The following FSTL5 variants were observed in gnomAD, a reference collection of about 807,000 sequenced individuals.
FSTL5 encodes follistatin like 5.
A neutral mutation model predicts 89.1 loss-of-function variants in FSTL5; 62 were observed. The observed-to-expected ratio is 0.70, with a 90% CI of 0.57 to 0.86. FSTL5 has a LOEUF of 0.86. Among genes scored for constraint, FSTL5 ranks in the 40% least tolerant of loss-of-function variants. The pLI, the probability that FSTL5 is intolerant of heterozygous loss-of-function variation, is 0.00. For synonymous variants in FSTL5, 383 were observed against 346.2 expected (o/e 1.11, Z -1.18); for missense variants, 1,057 against 1,001.6 (o/e 1.06, Z -0.75).
At chr4:161,537,958 A>G (rs989344972) in intron 10 of FSTL5, among the ~76,000 whole-genome samples, 60 of 152,286 alleles carry the variant, frequency 3.9e-4, no homozygotes, top group African/African-American at 1.2e-3. Context: ...AATAAAATCT[A>G]GTGTTGTAAT....
At chr4:161,877,184 G>GA (rs5863494) in intron 4 of FSTL5, among the ~76,000 whole-genome samples, 72,429 of 126,954 alleles carry the variant, frequency 0.57, 20,081 homozygotes, top group East Asian at 0.67. Flanking sequence ...ACTCTGTCTC[G>GA]AAAAAAAAAA....
At chr4:161,438,489 CT>C (rs1454953512) in intron 15 of FSTL5, among the ~76,000 whole-genome samples, 1 of 151,978 alleles carries the variant, frequency 6.6e-6, no homozygotes, top group African/African-American at 2.4e-5. Context: ...TTAATTTTCC[CT>C]TTTATGTCTT....
At chr4:161,789,906 A>C (rs540552220) in intron 4 of FSTL5, among the ~76,000 whole-genome samples, 62 of 152,310 alleles carry the variant, frequency 4.1e-4, no homozygotes, top group African/African-American at 1.4e-3. Context: ...AAAGCATATA[A>C]AGCAAATTTT....
chr4:161,847,807 C>T (rs115238916), intron 4 of FSTL5, among the ~76,000 whole-genome samples: 19 of 151,708 alleles, frequency 1.3e-4, no homozygotes, highest in African/African-American at 3.4e-4. Context: ...GAGGCCAGGG[C>T]GGGAAGATCA....
At chr4:161,579,367 A>G (rs1360726898) in intron 8 of FSTL5, among the ~76,000 whole-genome samples, 1 of 152,196 alleles carries the variant, frequency 6.6e-6, no homozygotes, top group East Asian at 1.9e-4. Flanking sequence ...GATAAAATGG[A>G]ATTCTAAATG....
At chr4:161,628,264 A>C (rs1475411298) in intron 7 of FSTL5, among the ~76,000 whole-genome samples, 13 of 152,158 alleles carry the variant, frequency 8.5e-5, no homozygotes, top group African/African-American at 3.1e-4. Context: ...ATACAGACTT[A>C]ATTGAAAAAT....
At chr4:161,682,880 A>G (rs1257642120) in intron 6 of FSTL5, among the ~76,000 whole-genome samples, 1 of 151,854 alleles carries the variant, frequency 6.6e-6, no homozygotes, top group African/African-American at 2.4e-5. Context: ...CCAAGTAGCT[A>G]GGATTACAGG....
chr4:161,457,876 A>C (rs553976892), intron 14 of FSTL5, among the ~76,000 whole-genome samples: 14 of 152,274 alleles, frequency 9.2e-5, no homozygotes, highest in African/African-American at 2.9e-4. Flanking sequence ...TGCTTTTTCA[A>C]TCAAGAGATT....
intron 6 of FSTL5, among the ~76,000 whole-genome samples, chr4:161,721,777 C>G (rs188459020): frequency 2.0e-5 from 3 of 152,162 alleles, no homozygotes; most frequent in African/African-American, 7.2e-5. Flanking sequence ...TATAGGCAAG[C>G]TTTTCTTTGG....
At chr4:162,083,715 A>G (rs969776726) in intron 2 of FSTL5, among the ~76,000 whole-genome samples, 5 of 151,892 alleles carry the variant, frequency 3.3e-5, no homozygotes, top group Admixed American at 6.6e-5. Context: ...ACATCAATTT[A>G]TAATAGCAGA....
intron 4 of FSTL5, among the ~76,000 whole-genome samples, chr4:161,836,957 T>TA (rs1468470815): frequency 1.3e-5 from 2 of 151,976 alleles, no homozygotes; most frequent in Non-Finnish European, 1.5e-5. Context: ...TGGTAATGAG[T>TA]CGGGCCTGGG....
At chr4:162,024,015 A>G (rs1350961500) in intron 3 of FSTL5, among the ~76,000 whole-genome samples, 4 of 152,148 alleles carry the variant, frequency 2.6e-5, no homozygotes, top group Non-Finnish European at 5.9e-5. Flanking sequence ...GGGATCTGGG[A>G]AATGTAGCTT....
chr4:161,940,317 A>G (rs893432249), intron 3 of FSTL5, among the ~76,000 whole-genome samples: 3 of 151,882 alleles, frequency 2.0e-5, no homozygotes, highest in Non-Finnish European at 4.4e-5. Flanking sequence ...AAAATACGCT[A>G]TCTGCATAAC....
At chr4:162,160,674 T>A (rs1733659596) in intron 1 of FSTL5, among the ~76,000 whole-genome samples, 2 of 151,850 alleles carry the variant, frequency 1.3e-5, no homozygotes, top group South Asian at 4.1e-4. Context: ...TAAATGGTCA[T>A]TATTCAAAGA....
intron 6 of FSTL5, among the ~76,000 whole-genome samples, chr4:161,728,684 GA>G (rs1009931135): frequency 1.3e-5 from 2 of 151,934 alleles, no homozygotes; most frequent in African/African-American, 4.8e-5. Context: ...TATTTCCTAG[GA>G]AAACTGTATA....
At position 161,387,016 on chromosome 4, in the gene FSTL5, TGAA is replaced by T. The variant is rs1432780534; in HGVS notation, c.1842-570_1842-568del. The T allele has an allele frequency of 2.0e-5, 3 of 152,256 alleles. 1 individual carries two copies. The allele number at this position is 152,256 out of a possible 1,614,324, so 9.4% of individuals were successfully genotyped here. A position where few individuals can be genotyped will look rare whatever the true frequency, so the allele number is the denominator to read the frequency against. On this transcript the variant is annotated intron_variant, in intron 15 of 15. Transcript: ENST00000306100. ...TTATTTGTTATCCTATACTGAATAA[TGAA>T]GAACTTTATTTTTATATTAAAGCCA...
rs80106602 is a variant in FSTL5 at position 161,566,185 on chromosome 4, A to AC, written c.1015+21269_1015+21270insG. Among the ~76,000 whole-genome samples the AC allele has an allele frequency of 5.6e-4, 83 of 148,474 alleles. 1 individual carries two copies. In the East Asian group the frequency reaches 0.016, roughly 29 times the overall value. The stretch of plus-strand genomic sequence containing the variant: ...GAATGCTCCTCAGCCATTAAAAAAA[A>AC]ACACACATAATAATGTCTTTTGCAG... On this transcript the variant is annotated intron_variant, in intron 8 of 15. Transcript: ENST00000306100.
chr4:161,585,424 C>A (rs1430007604), intron 8 of FSTL5, among the ~76,000 whole-genome samples: 1 of 152,048 alleles, frequency 6.6e-6, no homozygotes, highest in East Asian at 1.9e-4. Context: ...GTGATCTTTT[C>A]TTTTATGTGA....
chr4:161,917,340 A>T (rs879713938), intron 4 of FSTL5, among the ~76,000 whole-genome samples: 3 of 152,218 alleles, frequency 2.0e-5, no homozygotes, highest in Admixed American at 6.5e-5. Context: ...AGTAAGGAAT[A>T]ATGCAAATCT....
Sources: gnomAD v4.1 joint callset for allele counts (sites outside exome capture counted in the v4.1 genomes callset) on GRCh38, gnomAD v4.1.1 for gene constraint, MANE v1.5 for transcripts, NCBI Gene and HGNC (gene_info 2026-07-23, HGNC 2026-07-21) for gene names.